ARRB1: variants seen among roughly 807,000 people sequenced by gnomAD.
ARRB1 encodes beta-arrestin-1.
A neutral mutation model predicts 56.8 loss-of-function variants in ARRB1; 21 were observed. The ratio of observed to expected loss-of-function variants is 0.37; its 90% CI spans 0.26 to 0.53. ARRB1 has a LOEUF of 0.53. Ranked by LOEUF, ARRB1 falls within the 20% of genes least tolerant of loss-of-function variation. The pLI, the probability that ARRB1 is intolerant of heterozygous loss-of-function variation, is 0.88. For synonymous variants in ARRB1, 210 were observed against 218.6 expected, an observed-to-expected ratio of 0.96 and a Z score of 0.35; for missense variants, 424 against 553.7, an observed-to-expected ratio of 0.77 and a Z score of 2.35.
intron 1 of ARRB1, among the ~76,000 whole-genome samples, chr11:75,320,539 G>T (rs1947331026): frequency 6.6e-6 from 1 of 152,182 alleles, no homozygotes. Flanking sequence ...CCAGAGATGG[G>T]GAGGGATCAG....
chr11:75,284,729 C>T (rs1946432671), intron 3 of ARRB1, among the ~76,000 whole-genome samples: 1 of 152,038 alleles, frequency 6.6e-6, no homozygotes, highest in Non-Finnish European at 1.5e-5. Flanking sequence ...CATGGTGAAA[C>T]ATCAACTCTA....
Position 75,292,212 on chromosome 11 carries a change from T to G in ARRB1, c.21-2173A>C, listed in dbSNP as rs998628146. ...TGGAGTGCAGTGGCGTGATCTCAGC[T>G]CACTGCAACCTCCATCCCCCAGGTT... On this transcript the variant is annotated intron_variant, in intron 1 of 15. Coordinates refer to ENST00000420843, the MANE Select transcript of ARRB1 (RefSeq NM_004041.5). Among the ~76,000 whole-genome samples the G allele has an allele frequency of 6.6e-5, 10 of 152,256 alleles. No individual in the cohort carries two copies. In the East Asian group the frequency reaches 1.7e-3, roughly 26 times the overall value.
intron 13 of ARRB1, chr11:75,271,133 T>C (rs1233536009): frequency 6.6e-6 from 1 of 152,250 alleles, no homozygotes; most frequent in Non-Finnish European, 1.5e-5. Context: ...CTGAATGATA[T>C]GGAACTGAAT....
At position 75,267,640 on chromosome 11, in the gene ARRB1, G is replaced by A. The variant is rs370292453; in HGVS notation, c.1145+12C>T. The A allele has an allele frequency of 8.1e-6, 13 of 1,602,736 alleles. No individual in the cohort carries two copies. In the African/African-American group the frequency reaches 1.5e-4, roughly 18 times the overall value. On this transcript the variant is annotated intron_variant, in intron 15 of 15. Transcript: ENST00000420843. ...CCCACCCCCGGATGTCTGCAGGCAG[G>A]GTTCAGCTTACTTTGTGTCAAGTTC...
chr11:75,302,700 C>T (rs1428731218), intron 1 of ARRB1, among the ~76,000 whole-genome samples: 1 of 152,190 alleles, frequency 6.6e-6, no homozygotes, highest in Non-Finnish European at 1.5e-5. Context: ...ATATCCACCC[C>T]ATAGGCTGGG....
chr11:75,317,234 T>A (rs1023604193), intron 1 of ARRB1, among the ~76,000 whole-genome samples: 3 of 151,838 alleles, frequency 2.0e-5, no homozygotes, highest in Non-Finnish European at 4.4e-5. Context: ...CAGTCTAGGG[T>A]CTTTTTGAAG....
chr11:75,292,750 C>T (rs1946640241), intron 1 of ARRB1, among the ~76,000 whole-genome samples: 1 of 152,160 alleles, frequency 6.6e-6, no homozygotes, highest in African/African-American at 2.4e-5. Context: ...CCTGGTCAGG[C>T]TGGAAGAGGC....
intron 1 of ARRB1, among the ~76,000 whole-genome samples, chr11:75,327,896 A>G (rs1426751700): frequency 3.3e-5 from 5 of 152,162 alleles, no homozygotes; most frequent in Non-Finnish European, 5.9e-5. Context: ...TGAGCTCAGG[A>G]GTTTGACAGC....
At chr11:75,336,455 G>A (rs1947604184) in intron 1 of ARRB1, among the ~76,000 whole-genome samples, 1 of 152,130 alleles carries the variant, frequency 6.6e-6, no homozygotes, top group African/African-American at 2.4e-5. Context: ...GCCACCCAGT[G>A]CTTGCCCTGG....
chr11:75,280,357 G>A (rs373568536), intron 7 of ARRB1, among the ~76,000 whole-genome samples: 5 of 152,316 alleles, frequency 3.3e-5, no homozygotes, highest in South Asian at 2.1e-4. Context: ...CTCAGCCCAC[G>A]CCCTAAAAAG....
chr11:75,326,270 C>G (rs1156628990), intron 1 of ARRB1, among the ~76,000 whole-genome samples: 1 of 152,178 alleles, frequency 6.6e-6, no homozygotes, highest in Non-Finnish European at 1.5e-5. Context: ...GCTGCGTCCC[C>G]AGAAAGCAGC....
intron 2 of ARRB1, among the ~76,000 whole-genome samples, chr11:75,288,616 CT>C (rs10580123): frequency 0.2 from 26,092 of 133,292 alleles, 2,076 homozygotes; most frequent in East Asian, 0.36. Flanking sequence ...GCAAATCTTT[CT>C]TTTTTTTTTT....
intron 1 of ARRB1, among the ~76,000 whole-genome samples, chr11:75,347,522 A>C (rs557274223): frequency 6.6e-6 from 1 of 152,286 alleles, no homozygotes; most frequent in Admixed American, 6.5e-5. Flanking sequence ...CTGTTGAGTA[A>C]GTGGAAACGG....
intron 1 of ARRB1, among the ~76,000 whole-genome samples, chr11:75,307,104 CCTT>C (rs919550516): frequency 3.2e-4 from 49 of 152,182 alleles, no homozygotes; most frequent in African/African-American, 1.2e-3. Flanking sequence ...CTGCAGAGGG[CCTT>C]CTTGCAGTCT....
At chr11:75,267,594 C>G (rs914056782) in intron 15 of ARRB1, 58 bp downstream of exon 15, 21 of 1,504,764 alleles carry the variant, frequency 1.4e-5, no homozygotes, top group Non-Finnish European at 1.8e-5. Context: ...AAATGACCCC[C>G]TCCACCCCGC....
At chr11:75,269,275 CGGGG>C in intron 13 of ARRB1, 1 of 540,202 alleles carries the variant, frequency 1.9e-6, no homozygotes. Flanking sequence ...GTGGTCACTG[CGGGG>C]CTCCAGAGGT....
intron 1 of ARRB1, among the ~76,000 whole-genome samples, chr11:75,291,699 G>A (rs549381972): frequency 2.4e-4 from 37 of 152,316 alleles, no homozygotes; most frequent in East Asian, 1.2e-3. Flanking sequence ...GACAGAGACC[G>A]CGAGATAAGA....
At chr11:75,318,179 G>GAC (rs147767023) in intron 1 of ARRB1, among the ~76,000 whole-genome samples, 12,549 of 130,162 alleles carry the variant, frequency 0.096, 990 homozygotes, top group Admixed American at 0.22. Context: ...TTTTTTGAGA[G>GAC]AGAGAGAGAT....
intron 1 of ARRB1, among the ~76,000 whole-genome samples, chr11:75,310,288 G>C (rs1462580700): frequency 6.6e-6 from 1 of 152,180 alleles, no homozygotes; most frequent in Non-Finnish European, 1.5e-5. Flanking sequence ...GCCAACGTCT[G>C]TATGCGCCTG....
Sources: gnomAD v4.1 joint callset for allele counts (sites outside exome capture counted in the v4.1 genomes callset) on GRCh38, gnomAD v4.1.1 for gene constraint, MANE v1.5 for transcripts, NCBI Gene and HGNC (gene_info 2026-07-23, HGNC 2026-07-21) for gene names.